GRK4: variants seen among roughly 807,000 people sequenced by gnomAD.
GRK4 encodes G protein-coupled receptor kinase 4.
In GRK4, 73 loss-of-function variants were observed where a neutral mutation model predicts 77.9. The ratio of observed to expected loss-of-function variants is 0.94; its 90% confidence interval spans 0.78 to 1.14. GRK4 has a LOEUF of 1.14. Among genes scored for constraint, GRK4 ranks in the 50% most tolerant of loss-of-function variants. The probability of loss-of-function intolerance (pLI) is 0.00; values close to 1 mark genes in which losing one functional copy is unlikely to be tolerated. For synonymous variants in GRK4, 257 were observed against 254.4 expected, an observed-to-expected ratio of 1.01 and a Z score of -0.10; for missense variants, 729 against 700.2, an observed-to-expected ratio of 1.04 and a Z score of -0.46.
At chr4:3,037,664 C>A (rs923866303) in intron 14 of GRK4, among the ~76,000 whole-genome samples, 153 bp downstream of exon 14, 2 of 152,050 alleles carry the variant, frequency 1.3e-5, no homozygotes, top group East Asian at 3.9e-4. Flanking sequence ...CGCCTGTAAT[C>A]CCAGCACTTT....
At chr4:3,036,542 C>T (rs995008306) in intron 13 of GRK4, among the ~76,000 whole-genome samples, 7 of 152,262 alleles carry the variant, frequency 4.6e-5, no homozygotes, top group African/African-American at 1.7e-4. Flanking sequence ...GGTCCCACAG[C>T]TGCCGACTTC....
chr4:2,987,082 A>G (rs1560383200), intron 2 of GRK4: 2 of 504,090 alleles, frequency 4.0e-6, no homozygotes, highest in Non-Finnish European at 7.8e-6. Flanking sequence ...CCCAAAAAGA[A>G]ACGCCACACC....
intron 1 of GRK4, among the ~76,000 whole-genome samples, chr4:2,980,864 G>C (rs528635499): frequency 6.6e-6 from 1 of 152,252 alleles, no homozygotes; most frequent in Non-Finnish European, 1.5e-5. Context: ...GGCAGGCTGT[G>C]CTTGTCTTTC....
intron 7 of GRK4, among the ~76,000 whole-genome samples, chr4:3,010,888 A>G (rs1732722085): frequency 6.6e-6 from 1 of 152,212 alleles, no homozygotes; most frequent in Admixed American, 6.5e-5. Flanking sequence ...GCAGCTTGAC[A>G]TGACAAGAAA....
chr4:2,992,072 C>G (rs1476913082), intron 3 of GRK4, 143 bp from the exon 4 acceptor site: 1 of 420,330 alleles, frequency 2.4e-6, no homozygotes, highest in Non-Finnish European at 4.4e-6. Context: ...GAGATGGGAT[C>G]TCGCTATGTT....
intron 7 of GRK4, 101 bp from the exon 8 acceptor site, chr4:3,013,587 G>C: frequency 7.2e-7 from 1 of 1,386,252 alleles, no homozygotes; most frequent in Admixed American, 2.2e-5. Context: ...ACTGCTGCTG[G>C]TCTCTGCCAG....
intron 5 of GRK4, among the ~76,000 whole-genome samples, chr4:3,007,299 A>G (rs1449234896): frequency 6.6e-6 from 1 of 152,240 alleles, no homozygotes; most frequent in African/African-American, 2.4e-5. Flanking sequence ...CATGATTATT[A>G]TCTCTGTTTT....
Position 3,022,399 on chromosome 4 carries a change from T to G in GRK4, c.933-15T>G, listed in dbSNP as rs1443826518. ...ACTTCTGAATAATTGGGCCTTTTGT[T>G]GTTGTTTCTTGTAGAGACTTGAAGC... On this transcript the variant is annotated splice_polypyrimidine_tract_variant and intron_variant, in intron 9 of 15. Transcript: ENST00000398052. 5.0e-6 allele frequency: 8 copies of G among 1,612,902 alleles called. No homozygotes were observed. The Admixed American group carries it at 1.2e-4, about 24-fold the overall frequency.
chr4:3,004,196 C>G, intron 4 of GRK4, 35 bp from the exon 5 acceptor site: 1 of 1,370,328 alleles, frequency 7.3e-7, no homozygotes, highest in Non-Finnish European at 1.0e-6. Flanking sequence ...TATGAAATCA[C>G]TAATGGTTAT....
intron 1 of GRK4, among the ~76,000 whole-genome samples, chr4:2,983,479 A>C (rs550411324): frequency 3.3e-5 from 5 of 152,330 alleles, no homozygotes; most frequent in Non-Finnish European, 7.3e-5. Context: ...ATTATAGTGT[A>C]GCCTTTTCCA....
Position 3,029,396 on chromosome 4 carries a change from C to T in GRK4, c.1256C>T (p.Ser419Phe), listed in dbSNP as rs756856593. ...YSEKFSEDAK[S>F]ICRMLLTKNP... ...GAGAAGTTTTCAGAGGATGCCAAAT[C>T]TATCTGCAGGATGGTAAGTCAGGCT... is the stretch of plus-strand genomic sequence containing the variant. The change falls in exon 12 of 16, where the codon TCT becomes TTT. Residue 419 changes from serine to phenylalanine, a missense_variant. Coordinates refer to ENST00000398052, the MANE Select transcript of GRK4 (RefSeq NM_182982.3). 49 of 1,613,398 alleles carry T rather than the reference C, an allele frequency of 3.0e-5. No homozygotes were observed. In the South Asian group the frequency reaches 4.7e-4, roughly 16 times the overall value.
chr4:3,037,356 CCT>C lies in GRK4; in HGVS notation c.1408-17_1408-16del. ...TGCTGTAGTCATCTCAGAGGCTGCC[CCT>C]GTTCTTGCTACACAGCCTCATGCCG... is the stretch of plus-strand genomic sequence containing the variant. On this transcript the variant is annotated splice_polypyrimidine_tract_variant and intron_variant, in intron 13 of 15. Coordinates refer to ENST00000398052, the MANE Select transcript of GRK4 (RefSeq NM_182982.3). 6.4e-7 allele frequency: 1 copy of C among 1,567,206 alleles called. No homozygotes were observed. The highest frequency in any genetic ancestry group is 8.7e-7 in the Non-Finnish European group (1 of 1,144,338).
At chr4:2,968,851 T>C (rs575590593) in intron 1 of GRK4, among the ~76,000 whole-genome samples, 1 of 152,022 alleles carries the variant, frequency 6.6e-6, no homozygotes, top group African/African-American at 2.4e-5. Context: ...ATCTTTTTAT[T>C]TTATTTATCT....
At chr4:2,990,763 T>C (rs1213033996) in intron 3 of GRK4, among the ~76,000 whole-genome samples, 1 of 152,244 alleles carries the variant, frequency 6.6e-6, no homozygotes, top group Non-Finnish European at 1.5e-5. Context: ...AGTCTTCTGA[T>C]ATTGTCATGA....
At chr4:3,013,540 C>A in intron 7 of GRK4, 148 bp from the exon 8 acceptor site, 2 of 873,222 alleles carry the variant, frequency 2.3e-6, no homozygotes, top group Non-Finnish European at 3.5e-6. Context: ...CTCACACTGA[C>A]GAAGCTCACC....
At chr4:3,035,288 C>T (rs1578409155) in intron 12 of GRK4, 98 bp from the exon 13 acceptor site, 1 of 1,201,346 alleles carries the variant, frequency 8.3e-7, no homozygotes, top group East Asian at 2.3e-5. Flanking sequence ...TGCACCTGCT[C>T]TGCCCTCCCG....
At chr4:2,981,304 T>C (rs1375027950) in intron 1 of GRK4, among the ~76,000 whole-genome samples, 2 of 152,222 alleles carry the variant, frequency 1.3e-5, no homozygotes, top group East Asian at 3.8e-4. Context: ...CACCATTCAG[T>C]GGGTCCCAAG....
chr4:3,037,851 G>A (rs1741222198), intron 14 of GRK4, among the ~76,000 whole-genome samples: 2 of 151,404 alleles, frequency 1.3e-5, no homozygotes, highest in East Asian at 3.9e-4. Flanking sequence ...GGAGGCAGAA[G>A]TTGCAGTGAG....
intron 1 of GRK4, chr4:2,971,083 A>G (rs1719426238): frequency 6.6e-6 from 1 of 152,198 alleles, no homozygotes. Context: ...AAAAAACTCT[A>G]GAATTAGGGC....
Sources: gnomAD v4.1 joint callset for allele counts (sites outside exome capture counted in the v4.1 genomes callset) on GRCh38, gnomAD v4.1.1 for gene constraint, MANE v1.5 for transcripts, NCBI Gene and HGNC (gene_info 2026-07-23, HGNC 2026-07-21) for gene names.